DOCK7: variants seen among roughly 807,000 people sequenced by gnomAD.
The protein encoded by DOCK7 is dedicator of cytokinesis protein 7.
Under a neutral mutation model 271.0 loss-of-function variants are expected in DOCK7, and 138 were observed. That is an observed-to-expected ratio of 0.51 (90% CI 0.44 to 0.59). The LOEUF is 0.59. Ranked by LOEUF, DOCK7 falls within the 20% of genes least tolerant of loss-of-function variation. The probability of loss-of-function intolerance (pLI) is 0.00; values close to 1 mark genes in which losing one functional copy is unlikely to be tolerated. For missense variants in DOCK7, 2,066 were observed against 2,592.4 expected (o/e 0.80, Z 4.41); for synonymous variants, 823 against 876.1 (o/e 0.94, Z 1.07).
chr1:62,673,197 T>C (rs1660196553), intron 1 of DOCK7, among the ~76,000 whole-genome samples: 1 of 152,056 alleles, frequency 6.6e-6, no homozygotes, highest in Non-Finnish European at 1.5e-5. Flanking sequence ...AAAGAAACAG[T>C]CCTTCTACAT....
intron 2 of DOCK7, 95 bp downstream of exon 2, chr1:62,662,930 G>A: frequency 3.2e-6 from 3 of 936,948 alleles, no homozygotes; most frequent in Middle Eastern, 3.0e-4. Flanking sequence ...TGAGACTAAT[G>A]ACGGAACCCA....
At position 62,623,613 on chromosome 1, in the gene DOCK7, G is replaced by T. The variant is rs74078625; in HGVS notation, c.1425+1646C>A. The stretch of plus-strand genomic sequence containing the variant: ...AGCTGTGGAAATACCAACAGAAGTG[G>T]TGTAGCAGCTGAAGAAGTAGAAAGA... On this transcript the variant is annotated intron_variant, in intron 12 of 49. Coordinates refer to ENST00000635253, the MANE Select transcript of DOCK7 (RefSeq NM_001367561.1). Among the ~76,000 whole-genome samples the T allele has an allele frequency of 6.0e-3, 908 of 152,324 alleles. 13 individuals are homozygous for T. Among genetic ancestry groups the T allele is most frequent in the African/African-American group, 0.021 (881 of 41,562 alleles).
chr1:62,514,872 C>T (rs1644612757), intron 31 of DOCK7, among the ~76,000 whole-genome samples: 1 of 151,898 alleles, frequency 6.6e-6, no homozygotes, highest in Admixed American at 6.6e-5. Context: ...CTCCAAAGCC[C>T]ATACTCTTCA....
At chr1:62,475,015 G>A (rs1273173315) in intron 47 of DOCK7, among the ~76,000 whole-genome samples, 193 bp downstream of exon 47, 4 of 152,132 alleles carry the variant, frequency 2.6e-5, no homozygotes, top group Non-Finnish European at 5.9e-5. Context: ...TTTTGTACAA[G>A]CTTTTTAAGG....
chr1:62,584,734 C>A, intron 15 of DOCK7: 2 of 935,194 alleles, frequency 2.1e-6, no homozygotes, highest in Non-Finnish European at 3.4e-6. Flanking sequence ...TCCCTGCCCT[C>A]AAGGAGCTCA....
intron 2 of DOCK7, among the ~76,000 whole-genome samples, chr1:62,654,895 G>A (rs1657808699): frequency 6.6e-6 from 1 of 152,176 alleles, no homozygotes; most frequent in Non-Finnish European, 1.5e-5. Flanking sequence ...GTGATCACAA[G>A]TCAAGGAATG....
At chr1:62,484,293 C>T (rs1177106229) in intron 43 of DOCK7, 2 of 151,780 alleles carry the variant, frequency 1.3e-5, no homozygotes, top group Non-Finnish European at 2.9e-5. Context: ...CTTCTCTAGC[C>T]TTTCCAGAAA....
intron 48 of DOCK7, among the ~76,000 whole-genome samples, chr1:62,465,733 G>A (rs1645657518): frequency 1.3e-5 from 2 of 152,090 alleles, no homozygotes; most frequent in African/African-American, 4.8e-5. Context: ...TGTATTTTTA[G>A]TAGAGATGGG....
chr1:62,621,933 C>T (rs1205091102), intron 12 of DOCK7, among the ~76,000 whole-genome samples: 1 of 152,104 alleles, frequency 6.6e-6, no homozygotes, highest in Non-Finnish European at 1.5e-5. Context: ...TATATTTTCT[C>T]TTTCGGTACT....
chr1:62,660,030 C>A (rs1283131851), intron 2 of DOCK7, among the ~76,000 whole-genome samples: 1 of 152,128 alleles, frequency 6.6e-6, no homozygotes, highest in Non-Finnish European at 1.5e-5. Context: ...AGAAAATCAA[C>A]AAGGATACAG....
intron 47 of DOCK7, 93 bp from the exon 48 acceptor site, chr1:62,474,181 T>C (rs1645908052): frequency 9.7e-7 from 1 of 1,034,182 alleles, no homozygotes. Flanking sequence ...AGCTCTGAGA[T>C]GGCTGCATTT....
intron 7 of DOCK7, among the ~76,000 whole-genome samples, chr1:62,646,636 CCT>C (rs1199634352): frequency 9.8e-5 from 15 of 152,330 alleles, no homozygotes; most frequent in African/African-American, 3.6e-4. Context: ...GAGAGAGATG[CCT>C]CATGAGAAAC....
chr1:62,483,174 A>ATTTTTTTTTTT lies in DOCK7; in HGVS notation c.5508+4213_5508+4223dup, dbSNP rs57648164. ...AGGTACACACCACCATGCCCAGCTA[A>ATTTTTTTTTTT]TTTTTTTTTTTTTTTTTTTTTTTTT... On this transcript the variant is annotated intron_variant, in intron 43 of 49. Transcript: ENST00000635253. 3.3e-4 allele frequency: 23 copies of ATTTTTTTTTTT among 70,178 alleles called. 2 individuals are homozygous for ATTTTTTTTTTT. Among genetic ancestry groups the ATTTTTTTTTTT allele is most frequent in the South Asian group, 1.3e-3 (3 of 2,346 alleles). The allele number at this position is 70,178 out of a possible 1,614,324, so 4.3% of individuals were successfully genotyped here. A position where few individuals can be genotyped will look rare whatever the true frequency, so the allele number is the denominator to read the frequency against.
chr1:62,579,969 TC>T, intron 16 of DOCK7, among the ~76,000 whole-genome samples: 1 of 152,188 alleles, frequency 6.6e-6, no homozygotes, highest in South Asian at 2.1e-4. Flanking sequence ...TTGAGAATAA[TC>T]CCAAGAGGGC....
At chr1:62,680,007 T>C (rs1351689313) in intron 1 of DOCK7, among the ~76,000 whole-genome samples, 2 of 152,190 alleles carry the variant, frequency 1.3e-5, no homozygotes, top group African/African-American at 2.4e-5. Flanking sequence ...AAGCTACCAA[T>C]GACTTTCTTC....
At chr1:62,513,649 T>G (rs1420088664) in intron 32 of DOCK7, 43 bp from the exon 33 acceptor site, 1 of 1,602,096 alleles carries the variant, frequency 6.2e-7, no homozygotes, top group East Asian at 2.2e-5. Context: ...TGAGGAAATT[T>G]TCTTCTATTT....
chr1:62,552,892 C>A lies in DOCK7; in HGVS notation c.2606G>T (p.Gly869Val). Residue 869 changes from glycine (G) to valine (V), a missense_variant, in exon 22 of 50, where the codon GGT (glycine) becomes GTT (valine). Physicochemically the swap from Gly to Val is moderately radical, Grantham distance 109. Coordinates refer to ENST00000635253, the MANE Select transcript of DOCK7 (RefSeq NM_001367561.1). ...GGCATAATGCACTGATCCTCCCAAA[C>A]CCCCAGGACCTAGAGTTGTATATGA... ...YPNSSSPGPG[G>V]LGGSVHYATM... 1 of 1,603,950 alleles carries A rather than the reference C, an allele frequency of 6.2e-7. No homozygotes were observed.
chr1:62,622,705 C>T (rs1464702179), intron 12 of DOCK7, among the ~76,000 whole-genome samples: 3 of 152,084 alleles, frequency 2.0e-5, no homozygotes, highest in Non-Finnish European at 2.9e-5. Flanking sequence ...CTGAGACGGA[C>T]GGATCACAAG....
chr1:62,654,088 A>G lies in DOCK7; in HGVS notation c.216T>C (p.Asp72=). 1 of 1,614,018 alleles carries G rather than the reference A, an allele frequency of 6.2e-7. No individual in the cohort carries two copies. The highest frequency in any genetic ancestry group is 8.5e-7 in the Non-Finnish European group (1 of 1,179,938). ...DYLITHPLAV[D]SGPLRDLIEF... is the part of the protein sequence containing the mutation. ...CAATCAAATCCCGTAAAGGCCCAGA[A>G]TCCACAGCCAAAGGATGAGTAATGA... Residue 72 remains aspartate (D), a synonymous_variant, in exon 3 of 50, where the codon GAT becomes GAC. Transcript: ENST00000635253.
Sources: allele counts gnomAD v4.1 joint callset (sites outside exome capture counted in the v4.1 genomes callset), GRCh38; gene constraint gnomAD v4.1.1; transcripts MANE v1.5; gene names NCBI Gene and HGNC (gene_info 2026-07-23, HGNC 2026-07-21).